Variants in PRKCB observed in about 807,000 individuals in gnomAD.
PRKCB encodes the protein protein kinase C beta type.
In PRKCB, 13 loss-of-function variants were observed where a neutral mutation model predicts 81.5. The observed-to-expected ratio is 0.16, with a 90% CI of 0.10 to 0.25. The LOEUF (loss-of-function observed/expected upper bound fraction) is 0.25. Among genes scored for constraint, PRKCB ranks in the 10% least tolerant of loss-of-function variants. The probability of loss-of-function intolerance (pLI) is 1.00; values close to 1 mark genes in which losing one functional copy is unlikely to be tolerated. For missense variants in PRKCB, 509 were observed against 875.7 expected (o/e 0.58, Z 5.29); for synonymous variants, 335 against 321.4 (o/e 1.04, Z -0.45).
chr16:24,135,441 T>C (rs1008252412), intron 9 of PRKCB, among the ~76,000 whole-genome samples: 1 of 150,700 alleles, frequency 6.6e-6, no homozygotes, highest in African/African-American at 2.4e-5. Flanking sequence ...GCCTCCCGAG[T>C]GGCTGGGATT....
chr16:24,040,851 C>G (rs546730324), intron 5 of PRKCB, among the ~76,000 whole-genome samples: 1 of 152,078 alleles, frequency 6.6e-6, no homozygotes, highest in Non-Finnish European at 1.5e-5. Flanking sequence ...GACTGAGACC[C>G]GCTTGTTGGA....
intron 2 of PRKCB, among the ~76,000 whole-genome samples, chr16:23,911,733 G>A (rs923952106): frequency 2.0e-5 from 3 of 151,830 alleles, no homozygotes; most frequent in Admixed American, 6.6e-5. Flanking sequence ...AGGAGCCTCA[G>A]TGCAGCCACG....
intron 5 of PRKCB, among the ~76,000 whole-genome samples, chr16:24,057,037 G>T (rs997588015): frequency 3.3e-5 from 5 of 152,182 alleles, no homozygotes; most frequent in African/African-American, 1.2e-4. Flanking sequence ...GGAAGGTGAT[G>T]GTTGTGGTGG....
At chr16:24,029,653 G>A (rs1965525839) in intron 3 of PRKCB, among the ~76,000 whole-genome samples, 2 of 126,880 alleles carry the variant, frequency 1.6e-5, no homozygotes, top group South Asian at 6.7e-4. Flanking sequence ...CTTAGGAGAA[G>A]CACTCATCAC....
rs1284078501 is a variant in PRKCB, at chr16:24,160,568, G to A, written c.1239+5711G>A. Among the ~76,000 whole-genome samples the A allele has an allele frequency of 2.6e-5, 4 of 152,276 alleles. No individual in the cohort carries two copies. The East Asian group carries it at 7.7e-4, about 29-fold the overall frequency. ...TATACAGAGGGTACTAATGCTTATT[G>A]ATTATTTCAACAAAGACTTATTCAT... On this transcript the variant is annotated intron_variant, in intron 10 of 16. Transcript: ENST00000643927.
intron 7 of PRKCB, among the ~76,000 whole-genome samples, chr16:24,106,333 T>C (rs1966578322): frequency 6.6e-6 from 1 of 152,192 alleles, no homozygotes. Flanking sequence ...TAGCACTCAG[T>C]AAGTGTTAGT....
At chr16:24,128,943 T>A (rs1966849097) in intron 9 of PRKCB, among the ~76,000 whole-genome samples, 2 of 152,324 alleles carry the variant, frequency 1.3e-5, no homozygotes, top group East Asian at 3.9e-4. Context: ...ATGCTGCATA[T>A]ATATAAATTG....
intron 3 of PRKCB, among the ~76,000 whole-genome samples, chr16:24,004,865 C>G (rs1400923712): frequency 6.6e-6 from 1 of 152,102 alleles, no homozygotes; most frequent in Non-Finnish European, 1.5e-5. Flanking sequence ...TGGTAAGAAA[C>G]CATTTCAGGA....
chr16:23,947,412 T>A (rs1257809327), intron 2 of PRKCB, among the ~76,000 whole-genome samples: 1 of 152,210 alleles, frequency 6.6e-6, no homozygotes, highest in Non-Finnish European at 1.5e-5. Flanking sequence ...GATCTTAGTT[T>A]TGGTTCTGCC....
Position 24,174,564 on chromosome 16 carries a change from A to G in PRKCB, c.1378A>G (p.Lys460Glu). Residue 460 changes from lysine to glutamate, a missense_variant, in exon 12 of 17, where the codon AAG becomes GAG. By Grantham distance (56) the Lys-to-Glu change is moderately conservative. Around this residue, in one of 6 missense-constraint regions of PRKCB, gnomAD observed 106 missense variants for 214.0 expected, o/e 0.50. Transcript: ENST00000643927. ...IAIGLFFLQS[K>E]GIIYRDLKLD... The stretch of plus-strand genomic sequence containing the variant: ...CATCGGTCTGTTCTTCTTACAGAGT[A>G]AGGGCATCATTTACCGGTAAGTGAA... 1 of 1,613,340 alleles carries G rather than the reference A, an allele frequency of 6.2e-7. No homozygotes were observed. The highest frequency in any genetic ancestry group is 1.1e-5 in the South Asian group (1 of 90,990).
intron 5 of PRKCB, among the ~76,000 whole-genome samples, chr16:24,066,826 G>A (rs954156659): frequency 1.3e-5 from 2 of 152,164 alleles, no homozygotes; most frequent in East Asian, 1.9e-4. Context: ...ATTATTGTAT[G>A]TTTAATTCTA....
chr16:23,941,315 C>T lies in PRKCB; in HGVS notation c.206-47193C>T, dbSNP rs191150140. On this transcript the variant is annotated intron_variant, in intron 2 of 16. Transcript: ENST00000643927. ...GGAAGTAATGAAAGTTTTCAAAATC[C>T]TCACCAAAACCTATATAACAAATGA... Among the ~76,000 whole-genome samples the T allele has an allele frequency of 5.3e-5, 8 of 152,264 alleles. No homozygotes were observed. The East Asian group carries it at 1.3e-3, about 26-fold the overall frequency.
At chr16:24,191,261 T>A in intron 16 of PRKCB, 31 bp downstream of exon 16, 1 of 1,612,840 alleles carries the variant, frequency 6.2e-7, no homozygotes, top group Non-Finnish European at 8.5e-7. Context: ...GACTGCCGGG[T>A]ATTCACACAC....
At chr16:24,173,682 G>C (rs1040385369) in intron 11 of PRKCB, among the ~76,000 whole-genome samples, 1 of 152,160 alleles carries the variant, frequency 6.6e-6, no homozygotes, top group African/African-American at 2.4e-5. Context: ...AACCTTTGTG[G>C]CATAACTGGG....
In PRKCB at chr16:23,865,836, G is replaced by A. The variant is rs575453787; in HGVS notation, c.205+28430G>A. ...GCTGAGTGAAGGTTCTGGGAGAGTA[G>A]GCTTAAGCCCAGAAGAGGGAGGCCT... On this transcript the variant is annotated intron_variant, in intron 2 of 16. Coordinates refer to ENST00000643927, the MANE Select transcript of PRKCB (RefSeq NM_002738.7). Among the ~76,000 whole-genome samples, 53 of 151,796 alleles carry A rather than the reference G, an allele frequency of 3.5e-4. 1 individual carries two copies. Among genetic ancestry groups the A allele is most frequent in the African/African-American group, 1.2e-3 (48 of 41,392 alleles).
At chr16:24,188,580 G>A (rs181765280) in intron 15 of PRKCB, among the ~76,000 whole-genome samples, 29 of 151,780 alleles carry the variant, frequency 1.9e-4, no homozygotes, top group African/African-American at 5.8e-4. Context: ...TTAAAGGCCC[G>A]ATTTTCTACT....
chr16:24,135,049 C>T (rs955457831), intron 9 of PRKCB, among the ~76,000 whole-genome samples: 1 of 151,004 alleles, frequency 6.6e-6, no homozygotes, highest in Non-Finnish European at 1.5e-5. Context: ...CATGTACTTC[C>T]ACCTAGGTTC....
chr16:23,945,555 G>A (rs1304521759), intron 2 of PRKCB, among the ~76,000 whole-genome samples: 1 of 152,118 alleles, frequency 6.6e-6, no homozygotes, highest in African/African-American at 2.4e-5. Flanking sequence ...CTCACTGTGG[G>A]CTTTCTTTGG....
At chr16:24,049,056 T>G (rs1965803110) in intron 5 of PRKCB, among the ~76,000 whole-genome samples, 1 of 135,526 alleles carries the variant, frequency 7.4e-6, no homozygotes, top group African/African-American at 2.9e-5. Flanking sequence ...TGTTTTTTTT[T>G]TTTTTTTTTT....
Sources: gnomAD v4.1 joint callset for allele counts (sites outside exome capture counted in the v4.1 genomes callset) on GRCh38, gnomAD v4.1.1 for gene constraint, gnomAD v4.1.1 regional missense constraint, MANE v1.5 for transcripts, NCBI Gene and HGNC (gene_info 2026-07-23, HGNC 2026-07-21) for gene names.